ITGA1: variants seen among roughly 807,000 people sequenced by gnomAD.
The protein encoded by ITGA1 is integrin subunit alpha 1.
A neutral mutation model predicts 145.9 loss-of-function variants in ITGA1; 85 were observed. The observed-to-expected ratio is 0.58, with a 90% CI of 0.49 to 0.70. ITGA1 has a LOEUF of 0.70. Ranked by LOEUF, ITGA1 falls within the 30% of genes least tolerant of loss-of-function variation. The pLI, the probability that ITGA1 is intolerant of heterozygous loss-of-function variation, is 0.00. For missense variants in ITGA1, 1,351 were observed against 1,418.7 expected (o/e 0.95, Z 0.77); for synonymous variants, 520 against 495.3 (o/e 1.05, Z -0.66).
chr5:52,939,752 A>T (rs10940280), intron 25 of ITGA1, 61 bp downstream of exon 25: 282,027 of 1,442,164 alleles, frequency 0.2, 29,838 homozygotes, highest in Middle Eastern at 0.32. Context: ...ATTGATATCA[A>T]TCTAGAAATA....
rs1001630003 is a variant in ITGA1, at chr5:52,914,940, C to A, written c.1858-524C>A. Among the ~76,000 whole-genome samples, 7 of 152,238 alleles carry A rather than the reference C, an allele frequency of 4.6e-5. 1 individual carries two copies. The highest frequency in any genetic ancestry group is 1.3e-4 in the Admixed American group (2 of 15,300). On this transcript the variant is annotated intron_variant, in intron 14 of 28. Transcript: ENST00000282588. The stretch of plus-strand genomic sequence containing the variant: ...TCTGAGTGGAATTGAGTCTCTTGTG[C>A]CCTCAACTTTTAGGACAATTTTTGA...
intron 7 of ITGA1, among the ~76,000 whole-genome samples, chr5:52,886,192 G>A (rs1313312846): frequency 6.6e-6 from 1 of 152,154 alleles, no homozygotes; most frequent in Non-Finnish European, 1.5e-5. Context: ...GAGGGTCTTT[G>A]TCAAGTATAG....
rs1440293105 is a variant in ITGA1, at chr5:52,793,014, T to A, written c.61+4600T>A. Among the ~76,000 whole-genome samples the A allele has an allele frequency of 2.0e-5, 3 of 152,110 alleles. No individual in the cohort carries two copies. In the East Asian group the frequency reaches 5.8e-4, roughly 29 times the overall value. The stretch of plus-strand genomic sequence containing the variant: ...TATGCCAGCTACTCTAAAGTCTCCT[T>A]GGGGACTTTGCATAAGTAGTTACTC... On this transcript the variant is annotated intron_variant, in intron 1 of 28. Transcript: ENST00000282588.
At chr5:52,794,866 G>C (rs1006536034) in intron 1 of ITGA1, among the ~76,000 whole-genome samples, 6 of 151,694 alleles carry the variant, frequency 4.0e-5, no homozygotes, top group South Asian at 4.1e-4. Context: ...TTCTTATTTT[G>C]TAAAGTTCAC....
chr5:52,833,292 G>A (rs1216696466), intron 1 of ITGA1, among the ~76,000 whole-genome samples: 1 of 152,060 alleles, frequency 6.6e-6, no homozygotes, highest in African/African-American at 2.4e-5. Context: ...ACTATGAAAA[G>A]CTACCATCTG....
chr5:52,939,444 C>T, intron 24 of ITGA1, 146 bp from the exon 25 acceptor site: 1 of 611,246 alleles, frequency 1.6e-6, no homozygotes. Context: ...TGCATAACAA[C>T]CTTTCCCATA....
At chr5:52,801,059 T>C (rs1170799384) in intron 1 of ITGA1, 2 of 1,613,382 alleles carry the variant, frequency 1.2e-6, no homozygotes, top group Admixed American at 3.3e-5. Context: ...GACTACCTGT[T>C]TCAACAAGCA....
At chr5:52,951,403 G>A (rs2193968) in intron 28 of ITGA1, among the ~76,000 whole-genome samples, 79,384 of 151,866 alleles carry the variant, frequency 0.52, 21,319 homozygotes, top group Middle Eastern at 0.59. Flanking sequence ...CCCATACTTA[G>A]TTTTGTTATT....
At chr5:52,807,500 T>TA (rs1243561561) in intron 1 of ITGA1, among the ~76,000 whole-genome samples, 2 of 152,142 alleles carry the variant, frequency 1.3e-5, no homozygotes, top group Non-Finnish European at 2.9e-5. Context: ...GCTATCACCC[T>TA]AAAAAATCTA....
chr5:52,897,884 T>C lies in ITGA1; in HGVS notation c.1165-355T>C, dbSNP rs369926311. On this transcript the variant is annotated intron_variant, in intron 10 of 28. Transcript: ENST00000282588. The stretch of plus-strand genomic sequence containing the variant: ...ATTCAAGGGTCTTATTAGAATTCCA[T>C]GTTCAAGACCTAGGATGCTGGGCAC... Among the ~76,000 whole-genome samples the C allele has an allele frequency of 3.3e-5, 5 of 152,166 alleles. No individual in the cohort carries two copies. The East Asian group carries it at 5.8e-4, about 18-fold the overall frequency.
chr5:52,911,608 T>C (rs187204598), intron 14 of ITGA1, among the ~76,000 whole-genome samples: 1,006 of 38,570 alleles, frequency 0.026, 49 homozygotes, highest in South Asian at 0.047. Flanking sequence ...ATATACTATA[T>C]ATATAGTGTA....
At chr5:52,867,505 G>A (rs139248005) in intron 6 of ITGA1, among the ~76,000 whole-genome samples, 11 of 152,158 alleles carry the variant, frequency 7.2e-5, no homozygotes, top group Middle Eastern at 3.4e-3. Context: ...TTTTTATCCC[G>A]TCTTGCTACA....
At chr5:52,936,997 T>G (rs1481579775) in intron 23 of ITGA1, among the ~76,000 whole-genome samples, 1 of 151,002 alleles carries the variant, frequency 6.6e-6, no homozygotes, top group Non-Finnish European at 1.5e-5. Context: ...ACCAAAAATC[T>G]AAATTGTTCC....
chr5:52,863,007 T>A (rs376541625), intron 3 of ITGA1, among the ~76,000 whole-genome samples: 34 of 152,344 alleles, frequency 2.2e-4, no homozygotes, highest in African/African-American at 7.7e-4. Context: ...ATTTATTACC[T>A]TTCCTTGAGG....
At chr5:52,801,550 G>T (rs1748485792) in intron 1 of ITGA1, 4 of 1,614,058 alleles carry the variant, frequency 2.5e-6, no homozygotes, top group Non-Finnish European at 3.4e-6. Flanking sequence ...GCATGAACCG[G>T]ATCGAGCTTT....
At chr5:52,932,480 C>A (rs1450230669) in intron 22 of ITGA1, 1 of 177,554 alleles carries the variant, frequency 5.6e-6, no homozygotes, top group Non-Finnish European at 1.2e-5. Context: ...TTAGAGGCCG[C>A]CAGCATATTT....
intron 6 of ITGA1, among the ~76,000 whole-genome samples, chr5:52,869,191 A>G (rs761632759): frequency 2.0e-5 from 3 of 151,754 alleles, no homozygotes; most frequent in Non-Finnish European, 4.4e-5. Context: ...AAGGAGTTTC[A>G]CTCTTGCTAC....
At chr5:52,915,430 C>T (rs751020201) in intron 14 of ITGA1, 34 bp from the exon 15 acceptor site, 12 of 1,604,436 alleles carry the variant, frequency 7.5e-6, no homozygotes, top group Non-Finnish European at 1.0e-5. Context: ...ACAGACTCTT[C>T]TCATATGAAA....
intron 17 of ITGA1, among the ~76,000 whole-genome samples, chr5:52,921,074 T>C (rs903436908): frequency 1.3e-5 from 2 of 152,078 alleles, no homozygotes; most frequent in Non-Finnish European, 2.9e-5. Flanking sequence ...CCAGTGTGAA[T>C]CATTTAAAAT....
Sources: gnomAD v4.1 joint callset for allele counts (sites outside exome capture counted in the v4.1 genomes callset) on GRCh38, gnomAD v4.1.1 for gene constraint, MANE v1.5 for transcripts, NCBI Gene and HGNC (gene_info 2026-07-23, HGNC 2026-07-21) for gene names.